Variants in VWA3B observed in about 807,000 individuals in gnomAD.
VWA3B encodes von Willebrand factor A domain containing 3B.
A neutral mutation model predicts 158.3 loss-of-function variants in VWA3B; 138 were observed. The ratio of observed to expected loss-of-function variants is 0.87; its 90% confidence interval spans 0.76 to 1.00. The LOEUF is 1.00. VWA3B is among the 50% of genes least tolerant of loss of function. VWA3B has a pLI of 0.00. For synonymous variants in VWA3B, 596 were observed against 587.3 expected, an observed-to-expected ratio of 1.01 and a Z score of -0.21; for missense variants, 1,555 against 1,565.1, an observed-to-expected ratio of 0.99 and a Z score of 0.11.
intron 7 of VWA3B, among the ~76,000 whole-genome samples, chr2:98,139,783 T>C (rs1179863967): frequency 6.6e-6 from 1 of 152,102 alleles, no homozygotes; most frequent in Admixed American, 6.5e-5. Flanking sequence ...ATCAGCAGAA[T>C]GTGGGTGGGG....
At chr2:98,321,069 C>T in the VWA3B span, among the ~76,000 whole-genome samples, 1 of 152,352 alleles carries the variant, frequency 6.6e-6, no homozygotes, top group East Asian at 1.9e-4. Flanking sequence ...TCAGCTTCAG[C>T]CATGAGGTCA....
chr2:98,294,078 T>C (rs1317199754), intron 23 of VWA3B, among the ~76,000 whole-genome samples: 1 of 151,900 alleles, frequency 6.6e-6, no homozygotes, highest in Non-Finnish European at 1.5e-5. Flanking sequence ...GCCTAAGTGA[T>C]GTCATGGCCC....
At chr2:98,324,215 T>A in the VWA3B span, among the ~76,000 whole-genome samples, 2 of 152,006 alleles carry the variant, frequency 1.3e-5, no homozygotes, top group South Asian at 2.1e-4. Flanking sequence ...TAGGTTGGAG[T>A]CCAGTTGTGC....
intron 23 of VWA3B, among the ~76,000 whole-genome samples, chr2:98,292,746 C>T (rs1263869079): frequency 2.6e-5 from 4 of 152,226 alleles, no homozygotes; most frequent in Middle Eastern, 3.4e-3. Flanking sequence ...AGGCAGATCA[C>T]CTGAGGTCGG....
chr2:98,188,628 A>G (rs1297831444), intron 10 of VWA3B, among the ~76,000 whole-genome samples: 1 of 152,232 alleles, frequency 6.6e-6, no homozygotes, highest in African/African-American at 2.4e-5. Flanking sequence ...TTTGCTTAAC[A>G]TAATGTCCTG....
rs763720652 is a variant in VWA3B, at chr2:98,162,926, A to G, written c.1064A>G (p.Gln355Arg). The change falls in exon 8 of 28, where the codon CAG becomes CGG. Residue 355 changes from glutamine (Q) to arginine (R), a missense_variant. Transcript: ENST00000477737. ...EEACSTLAQI[Q>R]RLVAEPPKPD... ...GCCTGCAGCACGCTGGCCCAGATCC[A>G]GAGGCTGGTGGCCGAGCCTCCCAAG... The G allele has an allele frequency of 6.2e-7, 1 of 1,614,134 alleles. No homozygotes were observed. The highest frequency in any genetic ancestry group is 1.7e-5 in the Admixed American group (1 of 60,032).
chr2:98,149,466 T>A (rs189444367), intron 7 of VWA3B, among the ~76,000 whole-genome samples: 24 of 152,376 alleles, frequency 1.6e-4, no homozygotes, highest in Non-Finnish European at 2.2e-4. Flanking sequence ...GGCCGCTTGA[T>A]GTACACCCCA....
intron 21 of VWA3B, among the ~76,000 whole-genome samples, chr2:98,259,740 A>G (rs149681655): frequency 2.0e-5 from 3 of 151,608 alleles, no homozygotes; most frequent in African/African-American, 7.2e-5. Flanking sequence ...ATTTGTTTAT[A>G]AGTGCTCTCC....
At chr2:98,115,898 G>A (rs114086918) in intron 3 of VWA3B, 152 bp downstream of exon 3, 10,725 of 574,796 alleles carry the variant, frequency 0.019, 171 homozygotes, top group Non-Finnish European at 0.024. Context: ...GCATTGATAG[G>A]GTGATGAAAA....
chr2:98,279,674 A>C (rs1021793423), intron 22 of VWA3B, among the ~76,000 whole-genome samples: 1 of 152,208 alleles, frequency 6.6e-6, no homozygotes, highest in Non-Finnish European at 1.5e-5. Context: ...TATCATCCCC[A>C]GACTTAAAGG....
Position 98,256,137 on chromosome 2 carries a change from ATTGT to A in VWA3B, c.2810_2813del (p.Val937GlyfsTer12), listed in dbSNP as rs760453877. On this transcript the variant is annotated frameshift_variant, in exon 21 of 28. Coordinates refer to ENST00000477737, the MANE Select transcript of VWA3B (RefSeq NM_144992.5). LOFTEE classifies it high-confidence loss of function. ...TTTTTTTAACAGGCGCTTGAATAAAATTGTTTGGCGAGCATTATCTCAAGAGGAA... is the reference window on the plus strand; with the variant it reads ...TTTTTTTAACAGGCGCTTGAATAAAATTGGCGAGCATTATCTCAAGAGGAA... The A allele has an allele frequency of 2.1e-5, 34 of 1,613,452 alleles. No homozygotes were observed. The highest frequency in any genetic ancestry group is 2.7e-5 in the Non-Finnish European group (32 of 1,179,918).
At position 98,194,473 on chromosome 2, in the gene VWA3B, C is replaced by T. The variant is rs754424259; in HGVS notation, c.1718C>T (p.Ser573Phe). Residue 573 changes from serine (S) to phenylalanine (F), a missense_variant, in exon 12 of 28, where the codon TCC becomes TTC. By Grantham distance (155) the Ser-to-Phe change is radical. Coordinates refer to ENST00000477737, the MANE Select transcript of VWA3B (RefSeq NM_144992.5). ...GAAGATAATTTGGAACAGGCTCAGTCCTGGATTAGAGACATAAAGGTAAGT... is the reference window on the plus strand; with the variant it reads ...GAAGATAATTTGGAACAGGCTCAGTTCTGGATTAGAGACATAAAGGTAAGT... ...VNEDNLEQAQ[S>F]WIRDIKIGSS... The T allele has an allele frequency of 6.2e-7, 1 of 1,613,996 alleles. No individual in the cohort carries two copies. The highest frequency in any genetic ancestry group is 1.1e-5 in the South Asian group (1 of 91,052).
At chr2:98,231,186 G>A (rs1574147353) in intron 16 of VWA3B, among the ~76,000 whole-genome samples, 2 of 152,300 alleles carry the variant, frequency 1.3e-5, no homozygotes, top group African/African-American at 4.8e-5. Context: ...GAATTGGTGT[G>A]ATAGATGACA....
intron 21 of VWA3B, among the ~76,000 whole-genome samples, chr2:98,264,649 A>G (rs922551972): frequency 6.6e-6 from 1 of 152,152 alleles, no homozygotes; most frequent in African/African-American, 2.4e-5. Flanking sequence ...ATTCTGGAGA[A>G]TATTCCATGT....
chr2:98,097,803 G>A (rs902113355), intron 2 of VWA3B, among the ~76,000 whole-genome samples: 4 of 151,984 alleles, frequency 2.6e-5, no homozygotes, highest in African/African-American at 7.2e-5. Context: ...GGCCATTCTG[G>A]CTGGGGTAAG....
At chr2:98,261,845 A>C (rs143211797) in intron 21 of VWA3B, among the ~76,000 whole-genome samples, 1 of 151,798 alleles carries the variant, frequency 6.6e-6, no homozygotes, top group East Asian at 1.9e-4. Context: ...TTTGCCCTTC[A>C]ATAGTTTAAT....
At chr2:98,273,085 G>C (rs1182309925) in intron 22 of VWA3B, among the ~76,000 whole-genome samples, 1 of 152,180 alleles carries the variant, frequency 6.6e-6, no homozygotes, top group African/African-American at 2.4e-5. Context: ...AACTAAGAGA[G>C]ATCTGGAATA....
chr2:98,201,281 A>G (rs1412072332), intron 12 of VWA3B, among the ~76,000 whole-genome samples: 1 of 152,200 alleles, frequency 6.6e-6, no homozygotes, highest in Non-Finnish European at 1.5e-5. Context: ...TATTGTAAAT[A>G]GTACTTTTTA....
At chr2:98,314,602 T>C (rs1416542649), downstream of VWA3B, among the ~76,000 whole-genome samples, 1 of 152,116 alleles carries the variant, frequency 6.6e-6, no homozygotes, top group Non-Finnish European at 1.5e-5. Flanking sequence ...AGAACAAAGA[T>C]CAAGGATATT....
Sources: gnomAD v4.1 joint callset for allele counts (sites outside exome capture counted in the v4.1 genomes callset) on GRCh38, gnomAD v4.1.1 for gene constraint, MANE v1.5 for transcripts, NCBI Gene and HGNC (gene_info 2026-07-23, HGNC 2026-07-21) for gene names.